Variants in PDE4D observed in about 807,000 individuals in gnomAD.
PDE4D encodes the protein phosphodiesterase 4D.
In PDE4D, 24 loss-of-function variants were observed where a neutral mutation model predicts 87.4. The ratio of observed to expected loss-of-function variants is 0.27; its 90% CI spans 0.20 to 0.39. PDE4D has a LOEUF of 0.39. Ranked by LOEUF, PDE4D falls within the 10% of genes least tolerant of loss-of-function variation. The probability of loss-of-function intolerance (pLI) is 1.00; values close to 1 mark genes in which losing one functional copy is unlikely to be tolerated. For missense variants in PDE4D, 714 were observed against 1,041.0 expected, an observed-to-expected ratio of 0.69 and a Z score of 4.32; for synonymous variants, 384 against 383.2, an observed-to-expected ratio of 1.00 and a Z score of -0.02.
rs115477103 is a variant in PDE4D, at chr5:59,555,750, T to A, written c.455+337418A>T. On this transcript the variant is annotated intron_variant, in intron 1 of 14. Coordinates refer to ENST00000340635, the MANE Select transcript of PDE4D (RefSeq NM_001104631.2). ...CAAGCAAACAGCATCACTGACACCA[T>A]TGACAGTTTGGGATTCCAAGGTGGC... Among the ~76,000 whole-genome samples the A allele has an allele frequency of 6.6e-5, 10 of 152,270 alleles. No homozygotes were observed. The South Asian group carries it at 2.1e-3, about 32-fold the overall frequency.
At position 59,096,850 on chromosome 5, in the gene PDE4D, C is replaced by T. The variant is rs533137123; in HGVS notation, c.809-57879G>A. On this transcript the variant is annotated intron_variant, in intron 5 of 14. Coordinates refer to ENST00000340635, the MANE Select transcript of PDE4D (RefSeq NM_001104631.2). ...ACCTCATGGGAACCACATTAAATGGCGGATAAAGCCATTAATATACTATAC... is the reference window on the plus strand; with the variant it reads ...ACCTCATGGGAACCACATTAAATGGTGGATAAAGCCATTAATATACTATAC... 4.6e-5 allele frequency among the ~76,000 whole-genome samples: 7 copies of T among 152,226 alleles called. No individual in the cohort carries two copies. The South Asian group carries it at 6.2e-4, about 13-fold the overall frequency.
intron 1 of PDE4D, among the ~76,000 whole-genome samples, chr5:60,401,425 T>A (rs755704947): frequency 2.0e-5 from 3 of 152,252 alleles, no homozygotes; most frequent in Admixed American, 6.5e-5. Flanking sequence ...TTCAGTCTAC[T>A]CAATTGCTGA....
intron 3 of PDE4D, among the ~76,000 whole-genome samples, chr5:59,985,954 A>AT (rs755530923): frequency 6.6e-6 from 1 of 152,256 alleles, no homozygotes; most frequent in Non-Finnish European, 1.5e-5. Flanking sequence ...TCAAGGGTCA[A>AT]TTGTACTTGA....
intron 2 of PDE4D, among the ~76,000 whole-genome samples, chr5:60,094,575 T>A (rs976861805): frequency 4.8e-5 from 7 of 146,760 alleles, no homozygotes; most frequent in Non-Finnish European, 9.0e-5. Flanking sequence ...CCTAACCCAA[T>A]GTGAGTGACA....
intron 1 of PDE4D, among the ~76,000 whole-genome samples, chr5:60,439,921 A>ACG (rs200702995): frequency 7.6e-6 from 1 of 132,196 alleles, no homozygotes; most frequent in Admixed American, 7.1e-5. Flanking sequence ...TTGTTTAAAA[A>ACG]AAAAAACAAA....
intron 1 of PDE4D, chr5:59,558,663 T>C (rs1294919719): frequency 6.6e-6 from 1 of 152,182 alleles, no homozygotes; most frequent in Non-Finnish European, 1.5e-5. Context: ...GTGCATCTGA[T>C]ACCATAAATC....
chr5:59,269,452 G>A (rs1005936799), intron 1 of PDE4D, among the ~76,000 whole-genome samples: 3 of 152,054 alleles, frequency 2.0e-5, no homozygotes, highest in African/African-American at 4.8e-5. Flanking sequence ...ATAACTTCAA[G>A]GTCTTATAAG....
At position 60,413,074 on chromosome 5, in the gene PDE4D, A is replaced by C. The variant is rs1232346010; in HGVS notation, c.-90+74868T>G. On this transcript the variant is annotated intron_variant, in intron 1 of 16. Transcript: ENST00000502484. ...TATGTATAATTCATTTAACTAAGCTATTTAATAAATGCAAGCTCCTTCATC... is the reference window on the plus strand; with the variant it reads ...TATGTATAATTCATTTAACTAAGCTCTTTAATAAATGCAAGCTCCTTCATC... Among the ~76,000 whole-genome samples the C allele has an allele frequency of 3.9e-5, 6 of 152,196 alleles. 1 individual carries two copies. Among genetic ancestry groups the C allele is most frequent in the Non-Finnish European group, 8.8e-5 (6 of 68,014 alleles).
intron 1 of PDE4D, among the ~76,000 whole-genome samples, chr5:59,374,665 A>G (rs1784430119): frequency 6.6e-6 from 1 of 152,266 alleles, no homozygotes; most frequent in Admixed American, 6.5e-5. Context: ...TAGCACTGGA[A>G]CAAATGGATC....
intron 1 of PDE4D, among the ~76,000 whole-genome samples, chr5:59,660,355 CA>C (rs1462456565): frequency 1.3e-5 from 2 of 152,034 alleles, no homozygotes; most frequent in South Asian, 4.1e-4. Context: ...GGGCTTCAGA[CA>C]AAAAGCTTTT....
intron 1 of PDE4D, among the ~76,000 whole-genome samples, chr5:59,327,248 G>T (rs1561964341): frequency 6.6e-6 from 1 of 151,444 alleles, no homozygotes; most frequent in Admixed American, 6.6e-5. Flanking sequence ...AAACTCAAGT[G>T]CCCATATAAC....
At chr5:59,771,490 AGAGAGAGAG>A (rs1429575201) in intron 1 of PDE4D, among the ~76,000 whole-genome samples, 165 of 38,420 alleles carry the variant, frequency 4.3e-3, no homozygotes, top group African/African-American at 0.012. Context: ...AGAAAGAGAG[AGAGAGAGAG>A]AAGAAAGAAA....
At chr5:59,379,722 G>A (rs1352563741) in intron 1 of PDE4D, among the ~76,000 whole-genome samples, 1 of 151,844 alleles carries the variant, frequency 6.6e-6, no homozygotes, top group Non-Finnish European at 1.5e-5. Flanking sequence ...AATATTATAG[G>A]TATTTTTACG....
At chr5:60,045,898 G>A (rs934000840) in intron 2 of PDE4D, among the ~76,000 whole-genome samples, 9 of 152,058 alleles carry the variant, frequency 5.9e-5, no homozygotes, top group Non-Finnish European at 1.2e-4. Flanking sequence ...CCAATTCTGT[G>A]AAGAAAGTCA....
intron 2 of PDE4D, 43 bp from the exon 3 acceptor site, chr5:59,193,579 T>G (rs371872410): frequency 9.9e-6 from 16 of 1,608,472 alleles, no homozygotes; most frequent in Non-Finnish European, 1.2e-5. Flanking sequence ...CATCAATAAC[T>G]CTGTGCTCAG....
chr5:60,374,878 T>C (rs561213373), intron 1 of PDE4D, among the ~76,000 whole-genome samples: 1 of 152,316 alleles, frequency 6.6e-6, no homozygotes, highest in African/African-American at 2.4e-5. Flanking sequence ...CATATACATA[T>C]ATATGTATAC....
At chr5:59,566,444 T>G (rs1193760529) in intron 1 of PDE4D, among the ~76,000 whole-genome samples, 1 of 152,116 alleles carries the variant, frequency 6.6e-6, no homozygotes, top group African/African-American at 2.4e-5. Context: ...AAGACATTCC[T>G]GATTTTCCCT....
In PDE4D at chr5:60,313,117, T is replaced by A. The variant is rs527674979; in HGVS notation, c.-89-127430A>T. The stretch of plus-strand genomic sequence containing the variant: ...AAATTGAAATGCAAAACAAAAAAAA[T>A]TGAAAGATCAATGAATCCAGGAGTT... On this transcript the variant is annotated intron_variant, in intron 1 of 16. Coordinates refer to the PDE4D transcript ENST00000502484. 6.0e-5 allele frequency among the ~76,000 whole-genome samples: 9 copies of A among 151,016 alleles called. No homozygotes were observed. The East Asian group carries it at 1.8e-3, about 30-fold the overall frequency.
At chr5:59,618,422 T>C (rs1829963143) in intron 1 of PDE4D, among the ~76,000 whole-genome samples, 1 of 152,088 alleles carries the variant, frequency 6.6e-6, no homozygotes, top group African/African-American at 2.4e-5. Context: ...TGATGAAAAC[T>C]GTGTGCAGAA....
Sources: gnomAD v4.1 joint callset for allele counts (sites outside exome capture counted in the v4.1 genomes callset) on GRCh38, gnomAD v4.1.1 for gene constraint, MANE v1.5 for transcripts, NCBI Gene and HGNC (gene_info 2026-07-23, HGNC 2026-07-21) for gene names.